Variants in CDK13 observed in about 807,000 individuals in gnomAD.
The protein encoded by CDK13 is cyclin dependent kinase 13, also known as cyclin-dependent kinase 13.
In CDK13, 40 loss-of-function variants were observed where a neutral mutation model predicts 137.6. That is an observed-to-expected ratio of 0.29 (90% CI 0.23 to 0.38). CDK13 has a LOEUF of 0.38. Among genes scored for constraint, CDK13 ranks in the 10% least tolerant of loss-of-function variants. The probability of loss-of-function intolerance (pLI) is 1.00; values close to 1 mark genes in which losing one functional copy is unlikely to be tolerated. For missense variants in CDK13, 1,704 were observed against 1,951.8 expected, an observed-to-expected ratio of 0.87 and a Z score of 2.39; for synonymous variants, 869 against 760.1, an observed-to-expected ratio of 1.14 and a Z score of -2.36.
At chr7:40,051,723 G>T (rs1383080511) in intron 7 of CDK13, among the ~76,000 whole-genome samples, 3 of 152,220 alleles carry the variant, frequency 2.0e-5, no homozygotes, top group Admixed American at 2.0e-4. Context: ...TTTGAGGAAA[G>T]CTGGGTGGAG....
chr7:40,025,835 G>A (rs543056246), intron 5 of CDK13, among the ~76,000 whole-genome samples: 40 of 152,262 alleles, frequency 2.6e-4, no homozygotes, highest in African/African-American at 8.9e-4. Context: ...ACTTAGAGAA[G>A]AAAATTAAGA....
rs942927020 is a variant in CDK13, at chr7:39,951,619, G to C, written c.978G>C (p.Pro326=). The change falls in exon 1 of 14, where the codon CCG becomes CCC. Residue 326 remains proline (P), a synonymous_variant. Transcript: ENST00000181839. The stretch of plus-strand genomic sequence containing the variant: ...CACTGGGAGGCCGGGACGACAGCCC[G>C]GTGTCCCACAGGGCCTCTCAGAGCC... ...LSPLGGRDDS[P]VSHRASQSLR... 3.4e-6 allele frequency: 5 copies of C among 1,484,106 alleles called. No homozygotes were observed. Among genetic ancestry groups the C allele is most frequent in the Non-Finnish European group, 4.5e-6 (5 of 1,121,162 alleles). The allele number at this position is 1,484,106 out of a possible 1,614,324, so 91.9% of individuals were successfully genotyped here.
chr7:39,954,028 C>T (rs1235468180), intron 1 of CDK13, among the ~76,000 whole-genome samples: 1 of 152,208 alleles, frequency 6.6e-6, no homozygotes, highest in Non-Finnish European at 1.5e-5. Flanking sequence ...TTGAATTATT[C>T]AATATCCCAA....
In CDK13 at chr7:40,041,497, C is replaced by A. The variant is rs566762012; in HGVS notation, c.2354-4339C>A. 2.0e-4 allele frequency among the ~76,000 whole-genome samples: 30 copies of A among 151,856 alleles called. No homozygotes were observed. The South Asian group carries it at 5.8e-3, about 30-fold the overall frequency. On this transcript the variant is annotated intron_variant, in intron 5 of 13. Transcript: ENST00000181839. ...TAGCATTTTTATTTTTAATTTTTTT[C>A]TATATACTTTTAATAATTCTCAAAG...
At chr7:40,023,835 A>G (rs1785182090) in intron 5 of CDK13, among the ~76,000 whole-genome samples, 1 of 152,156 alleles carries the variant, frequency 6.6e-6, no homozygotes, top group African/African-American at 2.4e-5. Context: ...CATTACAGCC[A>G]TCTAGGTTAT....
At chr7:39,996,838 C>T (rs939322364) in intron 2 of CDK13, among the ~76,000 whole-genome samples, 2 of 151,636 alleles carry the variant, frequency 1.3e-5, no homozygotes, top group African/African-American at 4.9e-5. Context: ...TGGCGGGCAC[C>T]TGTAATCCCA....
chr7:40,058,560 C>CA (rs1786071226), intron 7 of CDK13, among the ~76,000 whole-genome samples: 1 of 18,518 alleles, frequency 5.4e-5, no homozygotes, highest in African/African-American at 2.6e-4. Flanking sequence ...ATAATAAAAA[C>CA]AAAAACGGGC....
rs1785345063 is a variant in CDK13, at chr7:40,030,268, TATATATAG to T, written c.2354-15566_2354-15559del. The stretch of plus-strand genomic sequence containing the variant: ...GTGTGTATATGTGTGTGTGTATATA[TATATATAG>T]AGAGAGAGAGAGAGAGAAAGTCATT... On this transcript the variant is annotated intron_variant, in intron 5 of 13. Coordinates refer to ENST00000181839, the MANE Select transcript of CDK13 (RefSeq NM_003718.5). Among the ~76,000 whole-genome samples, 7 of 137,246 alleles carry T rather than the reference TATATATAG, an allele frequency of 5.1e-5. No homozygotes were observed. In the South Asian group the frequency reaches 1.6e-3, roughly 30 times the overall value. The allele number at this position is 137,246 out of a possible 152,430, so 90.0% of individuals were successfully genotyped here.
Position 40,094,146 on chromosome 7 carries a change from C to T in CDK13, c.3705C>T (p.Ile1235=). ...TTCACTTAGGACAAGATGACCTCAT[C>T]CAGCATCAAGATATGAGGATCTTGG... is the stretch of plus-strand genomic sequence containing the variant. ...STPVSGQDDL[I]QHQDMRILEL... The change falls in exon 14 of 14, where the codon ATC becomes ATT. Residue 1235 remains isoleucine (I), a synonymous_variant. Coordinates refer to ENST00000181839, the MANE Select transcript of CDK13 (RefSeq NM_003718.5). The T allele has an allele frequency of 6.2e-7, 1 of 1,613,882 alleles. No homozygotes were observed. Among genetic ancestry groups the T allele is most frequent in the South Asian group, 1.1e-5 (1 of 91,046 alleles).
At chr7:39,982,777 C>G (rs992302938) in intron 1 of CDK13, among the ~76,000 whole-genome samples, 1 of 152,196 alleles carries the variant, frequency 6.6e-6, no homozygotes, top group Admixed American at 6.5e-5. Context: ...TGATGATGAG[C>G]ATTTTTTCAT....
intron 5 of CDK13, among the ~76,000 whole-genome samples, chr7:40,028,375 T>A (rs1447403762): frequency 6.6e-6 from 1 of 151,942 alleles, no homozygotes; most frequent in Non-Finnish European, 1.5e-5. Flanking sequence ...CCTGCCACCA[T>A]GCTTGGCTAA....
rs70996875 is a variant in CDK13 at position 40,036,173 on chromosome 7, T to TAC, written c.2354-9639_2354-9638dup. Among the ~76,000 whole-genome samples the TAC allele has an allele frequency of 5.2e-3, 775 of 149,138 alleles. 5 individuals carry two copies. Among genetic ancestry groups the TAC allele is most frequent in the East Asian group, 0.017 (84 of 5,024 alleles). ...CCTGTCTCAAAATAAATAAATAAAT[T>TAC]ACACACACACACACACACACACACA... On this transcript the variant is annotated intron_variant, in intron 5 of 13. Transcript: ENST00000181839.
chr7:40,075,956 A>G (rs1163138877), intron 9 of CDK13, among the ~76,000 whole-genome samples: 2 of 152,124 alleles, frequency 1.3e-5, no homozygotes, highest in African/African-American at 4.8e-5. Flanking sequence ...AAATGTCTAT[A>G]CTTTGCTACT....
chr7:40,059,469 C>T (rs987671193), intron 7 of CDK13, among the ~76,000 whole-genome samples: 4 of 152,230 alleles, frequency 2.6e-5, no homozygotes, highest in African/African-American at 9.6e-5. Context: ...AAGCAATTCT[C>T]TGCCTCAGCC....
At chr7:40,066,367 T>C (rs955231918) in intron 9 of CDK13, among the ~76,000 whole-genome samples, 1 of 152,254 alleles carries the variant, frequency 6.6e-6, no homozygotes, top group Admixed American at 6.5e-5. Flanking sequence ...GATTAATTGA[T>C]GCTCTTCATT....
chr7:39,975,226 A>G (rs1784081349), intron 1 of CDK13, among the ~76,000 whole-genome samples: 1 of 152,016 alleles, frequency 6.6e-6, no homozygotes, highest in Non-Finnish European at 1.5e-5. Flanking sequence ...TTAGCCTGGG[A>G]AACATGGCAA....
chr7:39,951,610 C>A lies in CDK13; in HGVS notation c.969C>A (p.Asp323Glu). 6.8e-7 allele frequency: 1 copy of A among 1,480,638 alleles called. No homozygotes were observed. The highest frequency in any genetic ancestry group is 8.9e-7 in the Non-Finnish European group (1 of 1,118,812). 91.7% of individuals were successfully genotyped at this position (1,480,638 alleles called of 1,614,324 possible). A position where few individuals can be genotyped will look rare whatever the true frequency, so the allele number is the denominator to read the frequency against. The change falls in exon 1 of 14, where the codon GAC becomes GAA. Residue 323 changes from aspartate (D) to glutamate (E), a missense_variant. Transcript: ENST00000181839. Reference protein sequence around the residue: ...RRSLSPLGGRDDSPVSHRASQ... With the variant: ...RRSLSPLGGREDSPVSHRASQ... ...CCCTCAGCCCACTGGGAGGCCGGGA[C>A]GACAGCCCGGTGTCCCACAGGGCCT...
At chr7:40,071,357 T>A (rs1786418448) in intron 9 of CDK13, 2 of 152,118 alleles carry the variant, frequency 1.3e-5, no homozygotes, top group Admixed American at 1.3e-4. Flanking sequence ...AAAATAAAAG[T>A]TGTTGGAATG....
At chr7:39,972,917 A>G (rs771655991) in intron 1 of CDK13, among the ~76,000 whole-genome samples, 1 of 152,198 alleles carries the variant, frequency 6.6e-6, no homozygotes, top group Non-Finnish European at 1.5e-5. Context: ...TATTCATATC[A>G]GCAACATATG....
Sources: gnomAD v4.1 joint callset for allele counts (sites outside exome capture counted in the v4.1 genomes callset) on GRCh38, gnomAD v4.1.1 for gene constraint, MANE v1.5 for transcripts, NCBI Gene and HGNC (gene_info 2026-07-23, HGNC 2026-07-21) for gene names.